The following NCR3LG1 variants were observed in gnomAD, a reference collection of about 807,000 sequenced individuals.
NCR3LG1 encodes the protein natural killer cell cytotoxicity receptor 3 ligand 1, also known as natural cytotoxicity triggering receptor 3 ligand 1.
Under a neutral mutation model 34.8 loss-of-function variants are expected in NCR3LG1, and 35 were observed. The ratio of observed to expected loss-of-function variants is 1.01; its 90% CI spans 0.77 to 1.33. The LOEUF (loss-of-function observed/expected upper bound fraction) is 1.33. Among genes scored for constraint, NCR3LG1 ranks in the 40% most tolerant of loss-of-function variants. The probability of loss-of-function intolerance (pLI) is 0.00; values close to 1 mark genes in which losing one functional copy is unlikely to be tolerated. For missense variants in NCR3LG1, 452 were observed against 423.3 expected (o/e 1.07, Z -0.60); for synonymous variants, 173 against 163.6 (o/e 1.06, Z -0.44).
intron 1 of NCR3LG1, among the ~76,000 whole-genome samples, 159 bp downstream of exon 1, chr11:17,352,198 TGAGACG>T (rs1953144661): frequency 1.0e-5 from 1 of 98,732 alleles, no homozygotes; most frequent in Non-Finnish European, 2.0e-5. Flanking sequence ...TTTTTTTTTT[TGAGACG>T]GAGTCTCGCT....
downstream of NCR3LG1, among the ~76,000 whole-genome samples, chr11:17,378,850 A>G (rs1459424048): frequency 6.6e-6 from 1 of 152,224 alleles, no homozygotes; most frequent in East Asian, 1.9e-4. Flanking sequence ...CTGCCTAGGT[A>G]AGAAAGACTA....
chr11:17,379,478 G>A (rs368963350), downstream of NCR3LG1, among the ~76,000 whole-genome samples: 15 of 152,288 alleles, frequency 9.8e-5, no homozygotes, highest in East Asian at 1.2e-3. Context: ...CAGTGAAGGC[G>A]TGCCAGTTCC....
chr11:17,367,441 T>C, intron 3 of NCR3LG1, 94 bp downstream of exon 3: 1 of 1,066,048 alleles, frequency 9.4e-7, no homozygotes, highest in Non-Finnish European at 1.3e-6. Flanking sequence ...AGCTGGGGAC[T>C]GAAGGGGAAA....
At chr11:17,354,744 A>G (rs1275800157) in intron 1 of NCR3LG1, among the ~76,000 whole-genome samples, 3 of 151,980 alleles carry the variant, frequency 2.0e-5, no homozygotes, top group Non-Finnish European at 4.4e-5. Context: ...GCTTTGATAC[A>G]TAGAACAGAA....
At chr11:17,381,268 T>C (rs1163693204), downstream of NCR3LG1, 3 of 152,294 alleles carry the variant, frequency 2.0e-5, no homozygotes, top group Non-Finnish European at 4.4e-5. Context: ...AAGTAACCCA[T>C]GCACTGCTTA....
chr11:17,369,830 T>C (rs2133361542), intron 4 of NCR3LG1, among the ~76,000 whole-genome samples: 1 of 152,316 alleles, frequency 6.6e-6, no homozygotes, highest in Middle Eastern at 3.4e-3. Context: ...GGTTCTGATA[T>C]TCAGGTGCTA....
At chr11:17,363,525 TCCCTCCCTCCCTC>T (rs1953307396) in intron 2 of NCR3LG1, among the ~76,000 whole-genome samples, 2 of 52,340 alleles carry the variant, frequency 3.8e-5, no homozygotes, top group Non-Finnish European at 3.3e-5. Context: ...CCTCCCTCCC[TCCCTCCCTCCCTC>T]CCTCCCTTCC....
intron 2 of NCR3LG1, among the ~76,000 whole-genome samples, chr11:17,360,784 T>C (rs1953261853): frequency 1.3e-5 from 2 of 152,230 alleles, no homozygotes; most frequent in East Asian, 3.8e-4. Context: ...TAATACAGGC[T>C]GGAGTACAGT....
chr11:17,355,391 T>C (rs1186195380), intron 1 of NCR3LG1, among the ~76,000 whole-genome samples: 3 of 149,824 alleles, frequency 2.0e-5, no homozygotes, highest in African/African-American at 7.6e-5. Flanking sequence ...AGCGAGACCC[T>C]GTCTCTAAAT....
At chr11:17,366,509 A>G (rs1281851665) in intron 2 of NCR3LG1, among the ~76,000 whole-genome samples, 1 of 152,224 alleles carries the variant, frequency 6.6e-6, no homozygotes, top group African/African-American at 2.4e-5. Context: ...AAAAATGCAC[A>G]GAATGGAAAT....
downstream of NCR3LG1, among the ~76,000 whole-genome samples, chr11:17,380,097 G>A (rs372987243): frequency 1.3e-5 from 2 of 152,186 alleles, no homozygotes; most frequent in Non-Finnish European, 2.9e-5. Context: ...TGCTGATCTC[G>A]GGGATCTGGG....
At chr11:17,371,210 A>T (rs1373903963) in intron 4 of NCR3LG1, among the ~76,000 whole-genome samples, 1 of 151,802 alleles carries the variant, frequency 6.6e-6, no homozygotes, top group Admixed American at 6.6e-5. Flanking sequence ...TAAGCCCCAA[A>T]CCTCCCTTTC....
At chr11:17,369,009 T>TA (rs1953378953) in intron 4 of NCR3LG1, 45 bp downstream of exon 4, 11 of 1,317,582 alleles carry the variant, frequency 8.3e-6, no homozygotes, top group Non-Finnish European at 1.1e-5. Flanking sequence ...CTTGGGCTAG[T>TA]AAAAAGCTTT....
intron 4 of NCR3LG1, among the ~76,000 whole-genome samples, chr11:17,370,414 G>C (rs954626339): frequency 6.6e-6 from 1 of 152,202 alleles, no homozygotes; most frequent in Non-Finnish European, 1.5e-5. Context: ...GGGTGAGTAG[G>C]AGCGGACCTC....
downstream of NCR3LG1, among the ~76,000 whole-genome samples, chr11:17,377,529 C>A (rs1953488757): frequency 6.6e-6 from 1 of 152,052 alleles, no homozygotes; most frequent in Non-Finnish European, 1.5e-5. Context: ...ATCAGGTGGA[C>A]CTTTCTCATT....
downstream of NCR3LG1, chr11:17,380,588 C>G (rs192718081): frequency 6.6e-6 from 1 of 152,138 alleles, no homozygotes; most frequent in East Asian, 1.9e-4. Flanking sequence ...TGGGCTCAAG[C>G]GATACTCCCA....
intron 1 of NCR3LG1, among the ~76,000 whole-genome samples, chr11:17,352,246 T>C (rs1953145587): frequency 6.8e-6 from 1 of 147,914 alleles, no homozygotes; most frequent in Non-Finnish European, 1.5e-5. Context: ...AGTGGCGCGA[T>C]CTCGGCTCAC....
Position 17,364,317 on chromosome 11 carries a change from C to G in NCR3LG1, c.422-2692C>G, listed in dbSNP as rs148825470. ...TCAAGCAATTCTTGTGCCTCAGTCT[C>G]CTGAGTAGCTGGGACTACAGGTGTG... is the stretch of plus-strand genomic sequence containing the variant. On this transcript the variant is annotated intron_variant, in intron 2 of 4. Transcript: ENST00000338965. Among the ~76,000 whole-genome samples the G allele has an allele frequency of 7.3e-3, 1,105 of 152,172 alleles. 11 individuals carry two copies. The highest frequency in any genetic ancestry group is 0.025 in the African/African-American group (1,054 of 41,492).
In NCR3LG1 at chr11:17,375,015, C is replaced by T. The variant is rs1200302396; in HGVS notation, c.*2503C>T. The T allele has an allele frequency of 6.6e-6, 1 of 152,242 alleles. No individual in the cohort carries two copies. The highest frequency in any genetic ancestry group is 1.5e-5 in the Non-Finnish European group (1 of 68,052). The allele number at this position is 152,242 out of a possible 1,614,324, so 9.4% of individuals were successfully genotyped here. A position where few individuals can be genotyped will look rare whatever the true frequency, so the allele number is the denominator to read the frequency against. On this transcript the variant is annotated 3_prime_UTR_variant, in exon 5 of 5. Coordinates refer to ENST00000338965, the MANE Select transcript of NCR3LG1 (RefSeq NM_001202439.3). ...GACTTGGAGGCTAAAGGATGGCCAGCTTGCCTCTGAGCAGTTACAGTAGTG... is the reference window on the plus strand; with the variant it reads ...GACTTGGAGGCTAAAGGATGGCCAGTTTGCCTCTGAGCAGTTACAGTAGTG...
Sources: allele counts gnomAD v4.1 joint callset (sites outside exome capture counted in the v4.1 genomes callset), GRCh38; gene constraint gnomAD v4.1.1; transcripts MANE v1.5; gene names NCBI Gene and HGNC (gene_info 2026-07-23, HGNC 2026-07-21).